The following GRAMD4 variants were observed in gnomAD, a reference collection of about 807,000 sequenced individuals.
The protein encoded by GRAMD4 is GRAM domain containing 4, also known as GRAM domain-containing protein 4.
GRAMD4 carries 25 observed loss-of-function variants against 83.9 expected under a neutral mutation model. The observed-to-expected ratio is 0.30, with a 90% CI of 0.22 to 0.42. GRAMD4 has a LOEUF of 0.42. GRAMD4 is among the 10% of genes least tolerant of loss of function. The pLI is 1.00. For missense variants in GRAMD4, 593 were observed against 788.7 expected, an observed-to-expected ratio of 0.75 and a Z score of 2.97; for synonymous variants, 336 against 320.9, an observed-to-expected ratio of 1.05 and a Z score of -0.50.
downstream of GRAMD4, chr22:46,682,293 T>C (rs1373845328): frequency 3.1e-6 from 1 of 326,578 alleles, no homozygotes; most frequent in Non-Finnish European, 4.4e-6. Context: ...CTCTACCACA[T>C]GTCACAGCTG....
At chr22:46,668,037 A>C (rs2082436786) in intron 10 of GRAMD4, 59 bp from the exon 11 acceptor site, 3 of 1,228,276 alleles carry the variant, frequency 2.4e-6, no homozygotes, top group Non-Finnish European at 3.6e-6. Flanking sequence ...CTGTTTTGTC[A>C]GTGGTTTTTC....
chr22:46,606,895 T>G (rs138542), intron 1 of GRAMD4, among the ~76,000 whole-genome samples: 115,659 of 152,058 alleles, frequency 0.76, 45,703 homozygotes, highest in East Asian at 1. Context: ...GAAATGGGAT[T>G]GCTGGGTCAT....
chr22:46,660,172 G>A (rs1003585018), intron 4 of GRAMD4, among the ~76,000 whole-genome samples: 1 of 152,152 alleles, frequency 6.6e-6, no homozygotes, highest in African/African-American at 2.4e-5. Context: ...CTGTAAGAAC[G>A]CAGGGAGCCC....
intron 3 of GRAMD4, among the ~76,000 whole-genome samples, chr22:46,647,340 G>A (rs1308740097): frequency 6.6e-6 from 1 of 152,210 alleles, no homozygotes; most frequent in Non-Finnish European, 1.5e-5. Context: ...ATGAACTCCT[G>A]TCTGCTCTTT....
At chr22:46,663,714 A>G (rs1444953124) in intron 6 of GRAMD4, 124 bp from the exon 7 acceptor site, 4 of 915,644 alleles carry the variant, frequency 4.4e-6, no homozygotes, top group Non-Finnish European at 7.1e-6. Context: ...TGTGCACTCA[A>G]GGGGTCCCAG....
intron 1 of GRAMD4, among the ~76,000 whole-genome samples, chr22:46,584,319 CTT>C (rs1463747480): frequency 2.6e-5 from 4 of 151,626 alleles, no homozygotes; most frequent in Admixed American, 2.6e-4. Context: ...TCTGGGCCCT[CTT>C]AGCTGACAGC....
downstream of GRAMD4, among the ~76,000 whole-genome samples, chr22:46,681,857 G>A (rs1374122686): frequency 6.6e-6 from 1 of 152,216 alleles, no homozygotes; most frequent in Admixed American, 6.5e-5. Context: ...ACCCAGGGTT[G>A]TGGTCCATTC....
At chr22:46,676,207 G>A (rs2082595467) in intron 17 of GRAMD4, among the ~76,000 whole-genome samples, 1 of 152,216 alleles carries the variant, frequency 6.6e-6, no homozygotes, top group Admixed American at 6.5e-5. Context: ...CAGGTGACCA[G>A]AAGGGGTGAG....
Position 46,602,782 on chromosome 22 carries a change from G to A in GRAMD4, c.-49-23969G>A, listed in dbSNP as rs1208543985. On this transcript the variant is annotated intron_variant, in intron 1 of 1. Coordinates refer to the GRAMD4 transcript ENST00000431155. The stretch of plus-strand genomic sequence containing the variant: ...TTTCTCTTTTTTTTTTTTTTTTGAG[G>A]CAGAGTCTCTGTCTTCCAGGCTGGA... 7.3e-5 allele frequency among the ~76,000 whole-genome samples: 2 copies of A among 27,500 alleles called. 1 individual carries two copies. Among genetic ancestry groups the A allele is most frequent in the South Asian group, 1.8e-3 (2 of 1,128 alleles). 18.0% of individuals were successfully genotyped at this position (27,500 alleles called of 152,430 possible). A position where few individuals can be genotyped will look rare whatever the true frequency, so the allele number is the denominator to read the frequency against.
At chr22:46,671,310 A>G in intron 13 of GRAMD4, 1 of 199,180 alleles carries the variant, frequency 5.0e-6, no homozygotes, top group South Asian at 5.1e-5. Context: ...TGGAAGGCCG[A>G]GGCGGGTGAA....
At chr22:46,673,271 G>A (rs577927835) in intron 14 of GRAMD4, among the ~76,000 whole-genome samples, 2 of 152,324 alleles carry the variant, frequency 1.3e-5, no homozygotes, top group East Asian at 3.9e-4. Context: ...GGGGGTGCCC[G>A]GCCCCTGCCA....
intron 1 of GRAMD4, among the ~76,000 whole-genome samples, chr22:46,603,305 T>C (rs2081331069): frequency 6.8e-6 from 1 of 146,252 alleles, no homozygotes. Context: ...CCTCCTGGGT[T>C]TACACCATTC....
At chr22:46,616,819 C>T (rs2081505194), upstream of GRAMD4, among the ~76,000 whole-genome samples, 1 of 112,156 alleles carries the variant, frequency 8.9e-6, no homozygotes, top group Non-Finnish European at 1.8e-5. Flanking sequence ...TGTAGGTTCC[C>T]CTGTGTGTAC....
In GRAMD4 at chr22:46,674,543, T is replaced by A. The variant is rs1417075733; in HGVS notation, c.1385-114T>A. 1.9e-5 allele frequency: 15 copies of A among 803,508 alleles called. No homozygotes were observed. The Admixed American group carries it at 2.6e-4, about 14-fold the overall frequency. The allele number at this position is 803,508 out of a possible 1,614,324, so 49.8% of individuals were successfully genotyped here. ...CCTTCCTCTCACTGTGGGTGTGACG[T>A]GAGCGCGGTGGGCGGATGTCAGGAT... On this transcript the variant is annotated intron_variant, in intron 15 of 18. Coordinates refer to ENST00000406902, the MANE Select transcript of GRAMD4 (RefSeq NM_015124.5).
chr22:46,607,342 T>A (rs138536), intron 1 of GRAMD4, among the ~76,000 whole-genome samples: 115,360 of 151,686 alleles, frequency 0.76, 45,564 homozygotes, highest in East Asian at 1. Context: ...CTCAAAGTGT[T>A]ATAAAAAAAG....
At chr22:46,591,278 A>G (rs2081204682) in intron 1 of GRAMD4, among the ~76,000 whole-genome samples, 2 of 152,156 alleles carry the variant, frequency 1.3e-5, no homozygotes, top group African/African-American at 2.4e-5. Context: ...GCACTTTGAG[A>G]GGCTGAGAGG....
upstream of GRAMD4, among the ~76,000 whole-genome samples, chr22:46,618,633 G>T (rs1032035698): frequency 6.6e-6 from 1 of 152,218 alleles, no homozygotes; most frequent in Non-Finnish European, 1.5e-5. The surrounding 1 kb of genome is among the most constrained non-coding windows in gnomAD (Gnocchi z 5.8). Context: ...GCCTTTGAAG[G>T]CCTCACCATG....
chr22:46,677,910 C>G lies in GRAMD4; in HGVS notation c.*659C>G, dbSNP rs1163485808. 2.0e-6 allele frequency: 2 copies of G among 985,066 alleles called. No individual in the cohort carries two copies. The highest frequency in any genetic ancestry group is 2.4e-6 in the Non-Finnish European group (2 of 829,640). The allele number at this position is 985,066 out of a possible 1,614,324, so 61.0% of individuals were successfully genotyped here. A position where few individuals can be genotyped will look rare whatever the true frequency, so the allele number is the denominator to read the frequency against. On this transcript the variant is annotated 3_prime_UTR_variant, in exon 19 of 19. Transcript: ENST00000406902. ...TGAGAAGGGCCCACCCCTCGCCTGC[C>G]CTCAGTGTCTTTGGTGGCACCTTCC...
chr22:46,676,334 T>C (rs2082597955), intron 17 of GRAMD4, among the ~76,000 whole-genome samples: 1 of 152,188 alleles, frequency 6.6e-6, no homozygotes, highest in African/African-American at 2.4e-5. Context: ...GTCAGCCTCC[T>C]CAGGCCGGCT....
Sources: gnomAD v4.1 joint callset for allele counts (sites outside exome capture counted in the v4.1 genomes callset) on GRCh38, gnomAD v4.1.1 for gene constraint, Gnocchi (gnomAD v3.1) non-coding constraint, MANE v1.5 for transcripts, NCBI Gene and HGNC (gene_info 2026-07-23, HGNC 2026-07-21) for gene names.